Variants in RABGAP1 observed in about 807,000 individuals in gnomAD.
RABGAP1 encodes the protein RAB GTPase activating protein 1.
A neutral mutation model predicts 137.6 loss-of-function variants in RABGAP1; 23 were observed. The observed-to-expected ratio is 0.17, with a 90% CI of 0.12 to 0.24. RABGAP1 has a LOEUF of 0.24. RABGAP1 is among the 10% of genes least tolerant of loss of function. RABGAP1 has a pLI of 1.00. For missense variants in RABGAP1, 906 were observed against 1,275.8 expected (o/e 0.71, Z 4.42); for synonymous variants, 451 against 450.7 (o/e 1.00, Z -0.01).
chr9:123,011,764 G>A (rs1370345719), intron 11 of RABGAP1, among the ~76,000 whole-genome samples: 1 of 149,900 alleles, frequency 6.7e-6, no homozygotes, highest in Non-Finnish European at 1.5e-5. Context: ...AGACTAGTCT[G>A]GCCAACATGG....
rs1203542520 is a variant in RABGAP1, at chr9:122,985,018, A to G, written c.385+299A>G. 2.6e-5 allele frequency among the ~76,000 whole-genome samples: 4 copies of G among 152,202 alleles called. No individual in the cohort carries two copies. In the East Asian group the frequency reaches 7.8e-4, roughly 29 times the overall value. On this transcript the variant is annotated intron_variant, in intron 3 of 25. Transcript: ENST00000373647. ...CCCCAGGAATGCTTAAAGATTTTTC[A>G]AATAAAGAAGGAATATGAGTACAAT...
chr9:123,013,614 T>G (rs182005241), intron 11 of RABGAP1, among the ~76,000 whole-genome samples: 393 of 152,320 alleles, frequency 2.6e-3, no homozygotes, highest in African/African-American at 9.0e-3. Context: ...ATTACAGGTG[T>G]GAGCCACCGT....
chr9:123,010,540 G>T lies in RABGAP1; in HGVS notation c.1549+12G>T, dbSNP rs1266670379. On this transcript the variant is annotated intron_variant, in intron 11 of 25. Transcript: ENST00000373647. ...TGATGAAGAGGAAGGTAAACTGTAGGGATAGCTTAATTTATTTTTGGGGGT... is the reference window on the plus strand; with the variant it reads ...TGATGAAGAGGAAGGTAAACTGTAGTGATAGCTTAATTTATTTTTGGGGGT... 6.2e-7 allele frequency: 1 copy of T among 1,605,302 alleles called. No individual in the cohort carries two copies. The highest frequency in any genetic ancestry group is 1.1e-5 in the South Asian group (1 of 90,006).
intron 1 of RABGAP1, among the ~76,000 whole-genome samples, chr9:122,950,249 A>G (rs1343256939): frequency 2.0e-5 from 3 of 152,210 alleles, no homozygotes; most frequent in Non-Finnish European, 4.4e-5. Flanking sequence ...GACATGAGGG[A>G]TAGTGAAGAA....
intron 1 of RABGAP1, chr9:122,945,857 T>C (rs1024017019): frequency 2.6e-5 from 4 of 152,214 alleles, no homozygotes; most frequent in East Asian, 3.8e-4. Flanking sequence ...TCTCCCTTTT[T>C]CCCTTATTTA....
chr9:123,036,276 A>G (rs985573056), intron 13 of RABGAP1, among the ~76,000 whole-genome samples: 1 of 152,228 alleles, frequency 6.6e-6, no homozygotes. Context: ...AAATTATACA[A>G]TTTATGAAAA....
intron 10 of RABGAP1, among the ~76,000 whole-genome samples, chr9:123,009,612 A>T (rs576780737): frequency 6.6e-6 from 1 of 152,360 alleles, no homozygotes; most frequent in South Asian, 2.1e-4. Flanking sequence ...GTAATATGGA[A>T]TGTTAATGTA....
In RABGAP1 at chr9:122,984,579, T is replaced by G. The variant is rs201667182; in HGVS notation, c.245T>G (p.Leu82Arg). 1.8e-5 allele frequency: 29 copies of G among 1,614,144 alleles called. No homozygotes were observed. The highest frequency in any genetic ancestry group is 2.3e-5 in the Non-Finnish European group (27 of 1,180,018). Residue 82 changes from leucine (L) to arginine (R), a missense_variant, in exon 3 of 26, where the codon CTT (leucine) becomes CGT (arginine). By Grantham distance (102) the Leu-to-Arg change is moderately radical (BLOSUM62 -2). Coordinates refer to ENST00000373647, the MANE Select transcript of RABGAP1 (RefSeq NM_012197.4). ...PMDDQPGEKE[L>R]VKRSQLDGEG... The stretch of plus-strand genomic sequence containing the variant: ...GACGACCAGCCAGGGGAAAAGGAGC[T>G]TGTGAAAAGGTCACAACTGGATGGT...
chr9:123,034,882 G>A, intron 13 of RABGAP1: 2 of 1,613,870 alleles, frequency 1.2e-6, no homozygotes, highest in Non-Finnish European at 1.7e-6. Context: ...CCAGATATTT[G>A]GTTTTGTAGT....
chr9:123,097,314 A>G (rs1239870339), intron 21 of RABGAP1, among the ~76,000 whole-genome samples: 1 of 152,236 alleles, frequency 6.6e-6, no homozygotes, highest in Non-Finnish European at 1.5e-5. Flanking sequence ...AGCAGAGGAA[A>G]CACAGCTTGG....
At chr9:123,008,543 T>C (rs1588261390) in intron 10 of RABGAP1, among the ~76,000 whole-genome samples, 3 of 115,282 alleles carry the variant, frequency 2.6e-5, no homozygotes, top group South Asian at 2.8e-4. Flanking sequence ...AGACTCCATC[T>C]CAAAAAAAAA....
chr9:122,961,555 C>T (rs1468452996), intron 2 of RABGAP1, among the ~76,000 whole-genome samples: 1 of 152,224 alleles, frequency 6.6e-6, no homozygotes, highest in East Asian at 1.9e-4. Context: ...AAGCAAGTTA[C>T]TCCACATGAT....
intron 10 of RABGAP1, among the ~76,000 whole-genome samples, chr9:123,007,731 A>T (rs1031046478): frequency 6.6e-6 from 1 of 150,834 alleles, no homozygotes; most frequent in Admixed American, 6.6e-5. Context: ...TGATGTTTTT[A>T]TTGGGGAAAA....
chr9:123,064,145 G>A (rs1462847225), intron 13 of RABGAP1, among the ~76,000 whole-genome samples: 1 of 152,030 alleles, frequency 6.6e-6, no homozygotes, highest in African/African-American at 2.4e-5. Context: ...CCTCCAACGC[G>A]GAGCTCTAAT....
intron 2 of RABGAP1, among the ~76,000 whole-genome samples, chr9:122,982,892 C>T (rs1465158104): frequency 6.6e-6 from 1 of 152,034 alleles, no homozygotes; most frequent in East Asian, 1.9e-4. Context: ...GTTTTTGAGA[C>T]AGGGTTTTGC....
intron 21 of RABGAP1, among the ~76,000 whole-genome samples, chr9:123,091,663 C>T (rs954683247): frequency 7.9e-5 from 12 of 151,928 alleles, no homozygotes; most frequent in East Asian, 7.7e-4. Flanking sequence ...GCATTGTTAG[C>T]GCCCTCTGCT....
intron 19 of RABGAP1, among the ~76,000 whole-genome samples, chr9:123,079,252 T>G (rs868178282): frequency 0.011 from 1,630 of 149,482 alleles, 15 homozygotes; most frequent in Non-Finnish European, 0.017. Flanking sequence ...TTTTTTTTTT[T>G]TTTTTGAGAC....
rs1241235161 is a variant in RABGAP1 at position 122,998,774 on chromosome 9, A to AT, written c.1374+13dup. On this transcript the variant is annotated intron_variant, in intron 10 of 25. Coordinates refer to ENST00000373647, the MANE Select transcript of RABGAP1 (RefSeq NM_012197.4). ...TTTTTGAAACTAAAACAGGTACTGT[A>AT]TTTTTCTATTAATATAGAAGGGGGA... The AT allele has an allele frequency of 1.3e-6, 2 of 1,529,074 alleles. No homozygotes were observed. Among genetic ancestry groups the AT allele is most frequent in the African/African-American group, 1.4e-5 (1 of 72,830 alleles). 94.7% of individuals were successfully genotyped at this position (1,529,074 alleles called of 1,614,324 possible).
chr9:122,965,354 G>T (rs1835083389), intron 2 of RABGAP1, among the ~76,000 whole-genome samples: 1 of 152,068 alleles, frequency 6.6e-6, no homozygotes, highest in African/African-American at 2.4e-5. Context: ...GATAACTTAA[G>T]GGTATATTGT....
Sources: allele counts gnomAD v4.1 joint callset (sites outside exome capture counted in the v4.1 genomes callset), GRCh38; gene constraint gnomAD v4.1.1; transcripts MANE v1.5; gene names NCBI Gene and HGNC (gene_info 2026-07-23, HGNC 2026-07-21).